G3BP2: variants seen among roughly 807,000 people sequenced by gnomAD.
G3BP2 encodes the protein ras GTPase-activating protein-binding protein 2.
G3BP2 carries 11 observed loss-of-function variants against 56.7 expected under a neutral mutation model. That is an observed-to-expected ratio of 0.19 (90% confidence interval 0.12 to 0.32). The LOEUF is 0.32. Ranked by LOEUF, G3BP2 falls within the 10% of genes least tolerant of loss-of-function variation. The pLI is 1.00. For missense variants in G3BP2, 340 were observed against 610.9 expected (o/e 0.56, Z 4.67); for synonymous variants, 165 against 191.6 (o/e 0.86, Z 1.15).
At chr4:75,654,819 TAAGTTACTA>T (rs946883771) in intron 7 of G3BP2, 7 of 430,876 alleles carry the variant, frequency 1.6e-5, no homozygotes, top group Non-Finnish European at 2.8e-5. Context: ...TAATTTCATA[TAAGTTACTA>T]AACAATGCAT....
At chr4:75,722,171 T>C (rs1720203025) in intron 2 of G3BP2, among the ~76,000 whole-genome samples, 1 of 152,136 alleles carries the variant, frequency 6.6e-6, no homozygotes, top group South Asian at 2.1e-4. Flanking sequence ...GGTTGTTCTG[T>C]AGTGACAATG....
intron 1 of G3BP2, among the ~76,000 whole-genome samples, chr4:75,667,395 A>G (rs919373960): frequency 6.6e-6 from 1 of 152,190 alleles, no homozygotes; most frequent in African/African-American, 2.4e-5. Context: ...ACCATCTTCA[A>G]TAAGGTGGTT....
upstream of G3BP2, among the ~76,000 whole-genome samples, chr4:75,674,955 C>T (rs985655819): frequency 1.3e-5 from 2 of 151,782 alleles, no homozygotes; most frequent in Admixed American, 6.6e-5. Context: ...ACACACCTGA[C>T]CTCGTGATCC....
intron 1 of G3BP2, among the ~76,000 whole-genome samples, chr4:75,665,239 T>C (rs771646007): frequency 1.6e-4 from 24 of 152,198 alleles, no homozygotes; most frequent in Non-Finnish European, 2.9e-4. Flanking sequence ...ATCCCTCCTC[T>C]AACTGTCCTT....
chr4:75,650,261 C>CCTGTCT (rs1458516658), intron 8 of G3BP2, among the ~76,000 whole-genome samples: 2 of 151,424 alleles, frequency 1.3e-5, no homozygotes, highest in Admixed American at 1.3e-4. Flanking sequence ...ATGGAGAAAC[C>CCTGTCT]CTGTCTCTAC....
In G3BP2 at chr4:75,647,059, C is replaced by G; in HGVS notation, c.1027G>C (p.Asp343His). 2 of 1,597,640 alleles carry G rather than the reference C, an allele frequency of 1.3e-6. No homozygotes were observed. The highest frequency in any genetic ancestry group is 8.6e-7 in the Non-Finnish European group (1 of 1,168,056). ...AAGAATTCCTTTAGCTCATTTTCAT[C>G]AATATCATGTGGCAAGTTACCAACA... ...LFVGNLPHDIDENELKEFFMS... is the reference protein window; with the variant it reads ...LFVGNLPHDIHENELKEFFMS... Residue 343 changes from aspartate (D) to histidine (H), a missense_variant, in exon 10 of 12, where the codon GAT becomes CAT. Coordinates refer to ENST00000359707, the MANE Select transcript of G3BP2 (RefSeq NM_203505.3).
intron 3 of G3BP2, among the ~76,000 whole-genome samples, chr4:75,697,264 ACT>A (rs67262441): frequency 0.24 from 27,867 of 116,356 alleles, 3,748 homozygotes; most frequent in Middle Eastern, 0.38. Flanking sequence ...ACAGAGCGAG[ACT>A]CTGTCTCAAA....
chr4:75,652,610 G>A (rs1374430006), intron 8 of G3BP2, among the ~76,000 whole-genome samples: 3 of 152,094 alleles, frequency 2.0e-5, no homozygotes, highest in African/African-American at 7.2e-5. Flanking sequence ...CTCCAGCCTG[G>A]GCGACAGAGC....
intron 3 of G3BP2, among the ~76,000 whole-genome samples, chr4:75,704,474 T>G (rs1458503728): frequency 2.0e-5 from 3 of 149,318 alleles, no homozygotes; most frequent in Non-Finnish European, 4.5e-5. Flanking sequence ...TGAGCCACCA[T>G]GCCCAGGTAA....
At chr4:75,684,193 C>T (rs1718470186) in intron 3 of G3BP2, among the ~76,000 whole-genome samples, 1 of 152,106 alleles carries the variant, frequency 6.6e-6, no homozygotes, top group Non-Finnish European at 1.5e-5. Context: ...ATCATGAGGT[C>T]AAGCGTTTGA....
intron 3 of G3BP2, among the ~76,000 whole-genome samples, chr4:75,688,537 C>G (rs1432692682): frequency 6.6e-6 from 1 of 152,206 alleles, no homozygotes; most frequent in African/African-American, 2.4e-5. Context: ...CCCAGTCACT[C>G]TGTGAGCAAC....
rs2148938577 is a variant in G3BP2 at position 75,645,593 on chromosome 4, C to T, written c.1286G>A (p.Arg429His). The T allele has an allele frequency of 1.2e-6, 2 of 1,614,044 alleles. No homozygotes were observed. The highest frequency in any genetic ancestry group is 8.5e-7 in the Non-Finnish European group (1 of 1,180,010). The change falls in exon 12 of 12, where the codon CGC becomes CAC. Residue 429 changes from arginine to histidine, a missense_variant. Around this residue, in one of 4 missense-constraint regions of G3BP2, gnomAD observed 94 missense variants for 173.8 expected, o/e 0.54. Transcript: ENST00000359707. ...GGGDDRRDIRRNDRGPGGPRG... is the reference protein window; with the variant it reads ...GGGDDRRDIRHNDRGPGGPRG... ...TGGACCACCGGGACCTCGATCATTG[C>T]GCCTAATATCCCTGCGATCATCACC...
intron 3 of G3BP2, among the ~76,000 whole-genome samples, chr4:75,720,009 G>T (rs1415544787): frequency 1.1e-5 from 1 of 93,756 alleles, no homozygotes; most frequent in African/African-American, 4.2e-5. Context: ...GCAGGATGGG[G>T]GGGCCCAGAA....
intron 4 of G3BP2, 138 bp from the exon 5 acceptor site, chr4:75,657,152 T>C: frequency 1.8e-6 from 1 of 542,890 alleles, no homozygotes; most frequent in Admixed American, 3.8e-5. Flanking sequence ...CTGAACATGC[T>C]ATGATGTTTA....
At chr4:75,656,597 G>A (rs1216645161) in intron 5 of G3BP2, among the ~76,000 whole-genome samples, 1 of 152,058 alleles carries the variant, frequency 6.6e-6, no homozygotes, top group African/African-American at 2.4e-5. Flanking sequence ...AAAAAAGGAA[G>A]CTTTGAGTCA....
intron 3 of G3BP2, among the ~76,000 whole-genome samples, chr4:75,683,661 C>G (rs1157011996): frequency 6.6e-6 from 1 of 152,152 alleles, no homozygotes; most frequent in Admixed American, 6.5e-5. Flanking sequence ...GACTGCCACT[C>G]TGACCTATAT....
At chr4:75,657,797 C>A in intron 3 of G3BP2, 67 bp from the exon 4 acceptor site, 1 of 963,116 alleles carries the variant, frequency 1.0e-6, no homozygotes. Context: ...ATAATATTAC[C>A]TACCCTCATT....
Position 75,644,140 on chromosome 4 carries a change from T to C in G3BP2, c.*1290A>G, listed in dbSNP as rs1223702268. On this transcript the variant is annotated 3_prime_UTR_variant, in exon 12 of 12. Coordinates refer to ENST00000359707, the MANE Select transcript of G3BP2 (RefSeq NM_203505.3). Reference sequence around the variant, plus strand: ...TGCAGTATCCTCACTTCAGGCTTACTTGCCATTTATAGAATCTGACTGCTT... The same window carrying C: ...TGCAGTATCCTCACTTCAGGCTTACCTGCCATTTATAGAATCTGACTGCTT... 6.6e-6 allele frequency: 1 copy of C among 152,648 alleles called. No homozygotes were observed. Among genetic ancestry groups the C allele is most frequent in the Non-Finnish European group, 1.5e-5 (1 of 68,046 alleles). 9.5% of individuals were successfully genotyped at this position (152,648 alleles called of 1,614,324 possible).
intron 3 of G3BP2, among the ~76,000 whole-genome samples, chr4:75,687,948 T>C (rs929073467): frequency 2.6e-5 from 4 of 152,224 alleles, no homozygotes; most frequent in African/African-American, 7.2e-5. Context: ...AAAAATGCTA[T>C]ATAAAATGCA....
Sources: allele counts gnomAD v4.1 joint callset (sites outside exome capture counted in the v4.1 genomes callset), GRCh38; gene constraint gnomAD v4.1.1; regional missense constraint gnomAD v4.1.1; transcripts MANE v1.5; gene names NCBI Gene and HGNC (gene_info 2026-07-23, HGNC 2026-07-21).